The following SLC35D2 variants were observed in gnomAD, a reference collection of about 807,000 sequenced individuals.
SLC35D2 encodes nucleotide sugar transporter SLC35D2.
A neutral mutation model predicts 41.8 loss-of-function variants in SLC35D2; 43 were observed. The observed-to-expected ratio is 1.03, with a 90% CI of 0.81 to 1.33. The LOEUF is 1.33. SLC35D2 is among the 40% of genes most tolerant of loss of function. SLC35D2 has a pLI of 0.00. For synonymous variants in SLC35D2, 150 were observed against 163.9 expected (o/e 0.92, Z 0.65); for missense variants, 380 against 408.4 (o/e 0.93, Z 0.60).
At chr9:96,317,377 T>C (rs1417158594), downstream of SLC35D2, among the ~76,000 whole-genome samples, 1 of 152,140 alleles carries the variant, frequency 6.6e-6, no homozygotes, top group East Asian at 1.9e-4. Flanking sequence ...AGCCTTTCCA[T>C]ACCACTTCTC....
intron 9 of SLC35D2, among the ~76,000 whole-genome samples, chr9:96,325,215 G>C (rs1828466024): frequency 6.6e-6 from 1 of 152,172 alleles, no homozygotes; most frequent in African/African-American, 2.4e-5. Context: ...GCCAAATCCA[G>C]TCAGGTAAAG....
At chr9:96,329,439 G>A (rs973758388) in intron 9 of SLC35D2, among the ~76,000 whole-genome samples, 1 of 152,038 alleles carries the variant, frequency 6.6e-6, no homozygotes, top group African/African-American at 2.4e-5. Flanking sequence ...TGCCCAGGCT[G>A]GTCTCAAACT....
chr9:96,347,845 A>G (rs1308154524), intron 6 of SLC35D2, among the ~76,000 whole-genome samples: 1 of 152,206 alleles, frequency 6.6e-6, no homozygotes, highest in Non-Finnish European at 1.5e-5. Context: ...AAATGGCCAC[A>G]AAAGTGACCT....
chr9:96,383,541 G>C lies in SLC35D2; in HGVS notation c.94C>G (p.Leu32Val). The C allele has an allele frequency of 6.6e-7, 1 of 1,509,682 alleles. No individual in the cohort carries two copies. The highest frequency in any genetic ancestry group is 8.9e-7 in the Non-Finnish European group (1 of 1,128,680). 93.5% of individuals were successfully genotyped at this position (1,509,682 alleles called of 1,614,324 possible). A position where few individuals can be genotyped will look rare whatever the true frequency, so the allele number is the denominator to read the frequency against. The change falls in exon 1 of 12, where the codon CTC becomes GTC. Residue 32 changes from leucine (L) to valine (V), a missense_variant. Physicochemically the swap from Leu to Val is conservative, Grantham distance 32. Coordinates refer to ENST00000253270, the MANE Select transcript of SLC35D2 (RefSeq NM_007001.3). Reference sequence around the variant, plus strand: ...AGGAAGGAGCAGGTCCCGTAGAAGAGCGCCGACAGCAGCCGGGCCACCCGC... The same window carrying C: ...AGGAAGGAGCAGGTCCCGTAGAAGACCGCCGACAGCAGCCGGGCCACCCGC... Reference protein sequence around the residue: ...PSRVARLLSALFYGTCSFLIV... With the variant: ...PSRVARLLSAVFYGTCSFLIV...
intron 9 of SLC35D2, among the ~76,000 whole-genome samples, chr9:96,332,771 T>C (rs1828866164): frequency 6.6e-6 from 1 of 151,562 alleles, no homozygotes; most frequent in African/African-American, 2.4e-5. Context: ...ACAGCGAGAC[T>C]CCATCTTAAA....
intron 3 of SLC35D2, among the ~76,000 whole-genome samples, 186 bp from the exon 4 acceptor site, chr9:96,360,407 G>A (rs1309895043): frequency 3.3e-5 from 5 of 151,950 alleles, no homozygotes; most frequent in Non-Finnish European, 5.9e-5. Flanking sequence ...AAGGTAGGCG[G>A]ATCACGAGGT....
At chr9:96,332,337 G>C (rs556308795) in intron 9 of SLC35D2, among the ~76,000 whole-genome samples, 2 of 152,306 alleles carry the variant, frequency 1.3e-5, no homozygotes, top group South Asian at 4.1e-4. Context: ...GATGTGCTGG[G>C]AAGCTTACTA....
intron 6 of SLC35D2, chr9:96,350,656 T>C (rs1246217125): frequency 6.4e-6 from 1 of 155,672 alleles, no homozygotes; most frequent in African/African-American, 2.4e-5. Flanking sequence ...TGTTGGCTCA[T>C]ATCCCAAACG....
Position 96,320,765 on chromosome 9 carries a change from C to T in SLC35D2, c.*477G>A, listed in dbSNP as rs986351877. On this transcript the variant is annotated 3_prime_UTR_variant, in exon 12 of 12. Coordinates refer to ENST00000253270, the MANE Select transcript of SLC35D2 (RefSeq NM_007001.3). ...TAGGGAAAGATACCAACATAGCTTT[C>T]ATCAAAGCTAACAAATAACTTTACT... is the stretch of plus-strand genomic sequence containing the variant. 2 of 152,416 alleles carry T rather than the reference C, an allele frequency of 1.3e-5. No homozygotes were observed. The highest frequency in any genetic ancestry group is 4.8e-5 in the African/African-American group (2 of 41,436). The allele number at this position is 152,416 out of a possible 1,614,324, so 9.4% of individuals were successfully genotyped here. A position where few individuals can be genotyped will look rare whatever the true frequency, so the allele number is the denominator to read the frequency against.
chr9:96,331,569 T>G lies in SLC35D2; in HGVS notation c.752+5148A>C, dbSNP rs182382248. Among the ~76,000 whole-genome samples, 50 of 152,172 alleles carry G rather than the reference T, an allele frequency of 3.3e-4. No homozygotes were observed. In the East Asian group the frequency reaches 9.3e-3, roughly 28 times the overall value. ...AATACTGAAGTCTTCAAAATTCTCC[T>G]TGGAAAAAGCACAGGCCACAGATCC... On this transcript the variant is annotated intron_variant, in intron 9 of 11. Coordinates refer to ENST00000253270, the MANE Select transcript of SLC35D2 (RefSeq NM_007001.3).
intron 1 of SLC35D2, among the ~76,000 whole-genome samples, chr9:96,369,035 G>A (rs1019624103): frequency 2.0e-5 from 3 of 152,070 alleles, no homozygotes; most frequent in Non-Finnish European, 4.4e-5. Context: ...AAAGTGCTAG[G>A]ATTATAGGCG....
intron 6 of SLC35D2, among the ~76,000 whole-genome samples, chr9:96,346,014 C>G (rs1462136408): frequency 6.6e-6 from 1 of 152,184 alleles, no homozygotes; most frequent in Non-Finnish European, 1.5e-5. Flanking sequence ...ATGACAGGAA[C>G]AAGAGGAAGA....
intron 1 of SLC35D2, among the ~76,000 whole-genome samples, chr9:96,382,359 CAGA>C (rs1055589135): frequency 8.6e-5 from 13 of 151,784 alleles, no homozygotes; most frequent in African/African-American, 2.9e-4. Flanking sequence ...GAGGCTGCAG[CAGA>C]AGGATTGCTT....
rs148698968 is a variant in SLC35D2, at chr9:96,321,860, T to C, written c.914+138A>G. On this transcript the variant is annotated intron_variant, in intron 11 of 11. Transcript: ENST00000253270. Reference sequence around the variant, plus strand: ...TGAACCCAGTGATGAAGTAAAATTATCTTAGAAATTAGAATGTCAAAACGC... The same window carrying C: ...TGAACCCAGTGATGAAGTAAAATTACCTTAGAAATTAGAATGTCAAAACGC... The C allele has an allele frequency of 7.0e-4, 419 of 597,340 alleles. 3 individuals carry two copies. Among genetic ancestry groups the C allele is most frequent in the African/African-American group, 5.8e-3 (309 of 53,288 alleles). 37.0% of individuals were successfully genotyped at this position (597,340 alleles called of 1,614,324 possible). A position where few individuals can be genotyped will look rare whatever the true frequency, so the allele number is the denominator to read the frequency against.
At chr9:96,315,120 T>C (rs115242953) in intron 11 of SLC35D2, among the ~76,000 whole-genome samples, 5,818 of 152,244 alleles carry the variant, frequency 0.038, 339 homozygotes, top group African/African-American at 0.11. Flanking sequence ...TCTGACCTTT[T>C]CATAGACTTT....
chr9:96,333,776 A>G (rs1587843688), intron 9 of SLC35D2, among the ~76,000 whole-genome samples: 1 of 152,144 alleles, frequency 6.6e-6, no homozygotes, highest in African/African-American at 2.4e-5. Context: ...GGTGAAGTGC[A>G]TGTTAAAAAC....
chr9:96,382,495 A>T (rs866473586), intron 1 of SLC35D2, among the ~76,000 whole-genome samples: 2,208 of 126,626 alleles, frequency 0.017, 21 homozygotes, highest in Middle Eastern at 0.063. Context: ...ACACACACAC[A>T]CTATATATAT....
intron 1 of SLC35D2, among the ~76,000 whole-genome samples, chr9:96,379,340 C>G (rs1831094860): frequency 6.6e-6 from 1 of 151,828 alleles, no homozygotes; most frequent in Admixed American, 6.6e-5. Context: ...AACCAACTGG[C>G]CACAAACTCT....
chr9:96,375,688 G>A (rs1456494891), intron 1 of SLC35D2, among the ~76,000 whole-genome samples: 1 of 152,098 alleles, frequency 6.6e-6, no homozygotes, highest in Non-Finnish European at 1.5e-5. Context: ...TGAACATGAG[G>A]AAGTGAAGAT....
Sources: allele counts gnomAD v4.1 joint callset (sites outside exome capture counted in the v4.1 genomes callset), GRCh38; gene constraint gnomAD v4.1.1; transcripts MANE v1.5; gene names NCBI Gene and HGNC (gene_info 2026-07-23, HGNC 2026-07-21).